The following SEM1 variants were observed in gnomAD, a reference collection of about 807,000 sequenced individuals.
SEM1 encodes the protein SEM1 26S proteasome subunit, also known as 26S proteasome complex subunit SEM1.
Under a neutral mutation model 12.7 loss-of-function variants are expected in SEM1, and 3 were observed. The ratio of observed to expected loss-of-function variants is 0.24; its 90% CI spans 0.11 to 0.61. The LOEUF is 0.61. SEM1 is among the 20% of genes least tolerant of loss of function. The pLI is 0.88. For missense variants in SEM1, 59 were observed against 81.3 expected (o/e 0.73, Z 1.06); for synonymous variants, 30 against 27.8 (o/e 1.08, Z -0.25).
intron 2 of SEM1, among the ~76,000 whole-genome samples, chr7:96,570,159 C>T (rs540266773): frequency 6.6e-6 from 1 of 151,286 alleles, no homozygotes; most frequent in Non-Finnish European, 1.5e-5. Context: ...ATAAGCATTT[C>T]CTTTTCTCTG....
chr7:96,493,013 C>G (rs1247587892), intron 1 of SEM1, among the ~76,000 whole-genome samples: 1 of 152,122 alleles, frequency 6.6e-6, no homozygotes, highest in Admixed American at 6.6e-5. Context: ...GCCACCCAGG[C>G]TGGAGTGTGG....
rs1044320311 is a variant in SEM1 at position 96,491,801 on chromosome 7, C to A, written c.12+4483G>T. ...GTCTAATTCTGTCAGGGAAAAAGTTCAAATTGAAGAGTAATTTTTTTTAAC... is the reference window on the plus strand; with the variant it reads ...GTCTAATTCTGTCAGGGAAAAAGTTAAAATTGAAGAGTAATTTTTTTTAAC... On this transcript the variant is annotated intron_variant, in intron 1 of 3. Coordinates refer to the SEM1 transcript ENST00000356686. Among the ~76,000 whole-genome samples, 18 of 152,124 alleles carry A rather than the reference C, an allele frequency of 1.2e-4. 1 individual carries two copies. The highest frequency in any genetic ancestry group is 2.6e-4 in the Non-Finnish European group (18 of 68,016).
At chr7:96,705,375 A>C (rs887905122) in intron 1 of SEM1, among the ~76,000 whole-genome samples, 22 of 141,400 alleles carry the variant, frequency 1.6e-4, no homozygotes, top group African/African-American at 3.7e-4. Context: ...AAAAAAAAAA[A>C]CCCTTTCAAT....
At position 96,593,075 on chromosome 7, in the gene SEM1, C is replaced by G. The variant is rs370714833; in HGVS notation, c.171-86377G>C. 6.0e-5 allele frequency among the ~76,000 whole-genome samples: 9 copies of G among 150,864 alleles called. 1 individual carries two copies. In the East Asian group the frequency reaches 1.8e-3, roughly 29 times the overall value. On this transcript the variant is annotated intron_variant and NMD_transcript_variant, in intron 2 of 3. Transcript: ENST00000466986. ...AAGTAGGGGCCCCCATTCAAATTGT[C>G]CATTCCTGGGCCACATGATAGATTT...
At chr7:96,570,347 C>T (rs1201629317) in intron 2 of SEM1, among the ~76,000 whole-genome samples, 2 of 151,836 alleles carry the variant, frequency 1.3e-5, no homozygotes, top group South Asian at 2.1e-4. Context: ...TCTCCCCTAG[C>T]CCCCCACCCC....
intron 2 of SEM1, among the ~76,000 whole-genome samples, chr7:96,545,685 T>C (rs1292451912): frequency 6.6e-6 from 1 of 152,112 alleles, no homozygotes; most frequent in Non-Finnish European, 1.5e-5. Flanking sequence ...TTTAGCGTTA[T>C]GCATAGAGCC....
intron 2 of SEM1, among the ~76,000 whole-genome samples, chr7:96,583,015 C>A (rs1434836728): frequency 6.6e-6 from 1 of 152,146 alleles, no homozygotes; most frequent in Non-Finnish European, 1.5e-5. Context: ...CTTCTGCTAT[C>A]TTTTGAATGT....
chr7:96,537,808 C>G (rs1423761377), intron 2 of SEM1, among the ~76,000 whole-genome samples: 2 of 151,330 alleles, frequency 1.3e-5, no homozygotes, highest in Non-Finnish European at 3.0e-5. Flanking sequence ...CTTCCTGGAT[C>G]TGTGGTTTGG....
At chr7:96,535,636 G>C (rs905788998) in intron 2 of SEM1, among the ~76,000 whole-genome samples, 2 of 151,560 alleles carry the variant, frequency 1.3e-5, no homozygotes, top group Admixed American at 1.3e-4. Flanking sequence ...TTCCTCCCCA[G>C]TATCTGTTGT....
At chr7:96,685,733 T>C (rs191466385), downstream of SEM1, among the ~76,000 whole-genome samples, 1 of 151,424 alleles carries the variant, frequency 6.6e-6, no homozygotes, top group African/African-American at 2.4e-5. Flanking sequence ...TAAGCATCAG[T>C]TATTAAGGGG....
chr7:96,602,932 G>T (rs1479963276), intron 2 of SEM1, among the ~76,000 whole-genome samples: 2 of 152,186 alleles, frequency 1.3e-5, no homozygotes, highest in African/African-American at 4.8e-5. Context: ...AGGGGAAAAG[G>T]ATGGAGAAAC....
rs753896172 is a variant in SEM1 at position 96,486,371 on chromosome 7, C to T, written c.59G>A (p.Gly20Glu). The change falls in exon 2 of 4, where the codon GGA becomes GAA. Residue 20 changes from glycine (G) to glutamate (E), a missense_variant. Physicochemically the swap from Gly to Glu is moderately conservative, Grantham distance 98. Coordinates refer to the SEM1 transcript ENST00000356686. Reference sequence around the variant, plus strand: ...CCCCCTTTTTATGCCATGCTTTCTTCCCACTTTTCCTCCTTGTACAGCAAA... The same window carrying T: ...CCCCCTTTTTATGCCATGCTTTCTTTCCACTTTTCCTCCTTGTACAGCAAA... 6 of 1,536,876 alleles carry T rather than the reference C, an allele frequency of 3.9e-6. No homozygotes were observed. In the African/African-American group the frequency reaches 8.2e-5, roughly 21 times the overall value.
At chr7:96,658,954 T>C (rs370036121) in intron 2 of SEM1, among the ~76,000 whole-genome samples, 3 of 152,026 alleles carry the variant, frequency 2.0e-5, no homozygotes, top group East Asian at 1.9e-4. Context: ...CCTTTTTTTC[T>C]AATGCACAAA....
chr7:96,705,044 T>C (rs908114135), intron 1 of SEM1, among the ~76,000 whole-genome samples: 1 of 152,196 alleles, frequency 6.6e-6, no homozygotes, highest in Non-Finnish European at 1.5e-5. Context: ...CACTGTAAGA[T>C]GTCATACTTT....
At chr7:96,682,550 G>T (rs1789645474) in intron 2 of SEM1, among the ~76,000 whole-genome samples, 1 of 151,754 alleles carries the variant, frequency 6.6e-6, no homozygotes, top group South Asian at 2.1e-4. Context: ...ACTATTTTGA[G>T]ACGTAAAACC....
At chr7:96,604,816 C>T (rs187658441) in intron 2 of SEM1, among the ~76,000 whole-genome samples, 14 of 152,024 alleles carry the variant, frequency 9.2e-5, no homozygotes, top group East Asian at 1.9e-4. Context: ...CTACTCAGGA[C>T]GCTGAGGCTT....
chr7:96,579,039 G>A (rs1026371613), intron 2 of SEM1, among the ~76,000 whole-genome samples: 10 of 152,210 alleles, frequency 6.6e-5, no homozygotes, highest in East Asian at 3.9e-4. Context: ...GTGAGAATTC[G>A]TCTCTTAAAT....
intron 2 of SEM1, among the ~76,000 whole-genome samples, chr7:96,557,933 G>C (rs562566690): frequency 6.6e-6 from 1 of 152,242 alleles, no homozygotes; most frequent in African/African-American, 2.4e-5. Flanking sequence ...GGCAGTATTC[G>C]GGTGGGAGTG....
chr7:96,605,130 G>C (rs1407625136), intron 2 of SEM1, among the ~76,000 whole-genome samples: 1 of 152,116 alleles, frequency 6.6e-6, no homozygotes, highest in Non-Finnish European at 1.5e-5. Context: ...GAATTCATTA[G>C]TTTTAATAAC....
Sources: gnomAD v4.1 joint callset for allele counts (sites outside exome capture counted in the v4.1 genomes callset) on GRCh38, gnomAD v4.1.1 for gene constraint, MANE v1.5 for transcripts, NCBI Gene and HGNC (gene_info 2026-07-23, HGNC 2026-07-21) for gene names.